Variants in NOL4L observed in about 807,000 individuals in gnomAD.
NOL4L encodes nucleolar protein 4 like.
NOL4L carries 7 observed loss-of-function variants against 64.5 expected under a neutral mutation model. The observed-to-expected ratio is 0.11, with a 90% CI of 0.06 to 0.20. The LOEUF is 0.20. Ranked by LOEUF, NOL4L falls within the 10% of genes least tolerant of loss-of-function variation. NOL4L has a pLI of 1.00. For synonymous variants in NOL4L, 413 were observed against 401.0 expected (o/e 1.03, Z -0.36); for missense variants, 680 against 967.1 (o/e 0.70, Z 3.94).
At chr20:32,541,045 A>ACACT (rs1340304931) in intron 1 of NOL4L, among the ~76,000 whole-genome samples, 2 of 148,676 alleles carry the variant, frequency 1.3e-5, no homozygotes, top group Non-Finnish European at 3.0e-5. Context: ...ACACACACAC[A>ACACT]CACTATTCCC....
At chr20:32,577,309 G>A (rs1980180287) in intron 1 of NOL4L, among the ~76,000 whole-genome samples, 1 of 152,214 alleles carries the variant, frequency 6.6e-6, no homozygotes. Context: ...AGGGCGAGAG[G>A]CTTGTCCCTC....
At chr20:32,501,661 T>C (rs1417941942) in intron 4 of NOL4L, among the ~76,000 whole-genome samples, 1 of 152,114 alleles carries the variant, frequency 6.6e-6, no homozygotes, top group Non-Finnish European at 1.5e-5. Flanking sequence ...AAGTTAAAAC[T>C]GTTCTCAAAA....
intron 6 of NOL4L, chr20:32,454,032 T>A: frequency 4.3e-6 from 2 of 463,550 alleles, no homozygotes; most frequent in Non-Finnish European, 4.0e-6. Context: ...CCGGGGCTGC[T>A]GAGCGCTTAG....
In NOL4L at chr20:32,447,403, CAAAAAAAA is replaced by C. The variant is rs386393630; in HGVS notation, c.*185_*192del. On this transcript the variant is annotated 3_prime_UTR_variant, in exon 11 of 11. Coordinates refer to ENST00000621426, the MANE Select transcript of NOL4L (RefSeq NM_001256798.2). Reference sequence around the variant, plus strand: ...TCAGAGCACCCGTGTGGTGAGATTCCAAAAAAAAAAAAAAAAAAAAAAAAAAGTGTCCT... The same window carrying C: ...TCAGAGCACCCGTGTGGTGAGATTCCAAAAAAAAAAAAAAAAAAGTGTCCT... 213 of 151,780 alleles carry C rather than the reference CAAAAAAAA, an allele frequency of 1.4e-3. No individual in the cohort carries two copies. Among genetic ancestry groups the C allele is most frequent in the East Asian group, 4.4e-3 (15 of 3,446 alleles). The allele number at this position is 151,780 out of a possible 1,614,324, so 9.4% of individuals were successfully genotyped here.
chr20:32,474,644 G>C lies in NOL4L; in HGVS notation c.798C>G (p.Asp266Glu), dbSNP rs574793193. 9 of 1,613,698 alleles carry C rather than the reference G, an allele frequency of 5.6e-6. No individual in the cohort carries two copies. In the African/African-American group the frequency reaches 9.3e-5, roughly 17 times the overall value. ...GGTTCTGCGGGCTCCGCATCCTCTCGTCCTGGCTGGGGCTCAGGCTGGAGG... is the reference window on the plus strand; with the variant it reads ...GGTTCTGCGGGCTCCGCATCCTCTCCTCCTGGCTGGGGCTCAGGCTGGAGG... ...HLASSLSPSQDERMRSPQNLH... is the reference protein window; with the variant it reads ...HLASSLSPSQEERMRSPQNLH... The change falls in exon 5 of 11, where the codon GAC becomes GAG. Residue 266 changes from aspartate (D) to glutamate (E), a missense_variant. Coordinates refer to ENST00000621426, the MANE Select transcript of NOL4L (RefSeq NM_001256798.2).
chr20:32,507,389 T>C (rs1186835826), intron 4 of NOL4L, among the ~76,000 whole-genome samples: 1 of 152,126 alleles, frequency 6.6e-6, no homozygotes, highest in Non-Finnish European at 1.5e-5. Context: ...ACTATAAATA[T>C]TGGGTGCACT....
chr20:32,497,644 G>C (rs1209906656), intron 4 of NOL4L, among the ~76,000 whole-genome samples: 1 of 152,196 alleles, frequency 6.6e-6, no homozygotes, highest in Non-Finnish European at 1.5e-5. Context: ...GTTAGGCTGT[G>C]GCGGTCACAA....
chr20:32,481,964 CGGG>C (rs61641396), intron 4 of NOL4L, among the ~76,000 whole-genome samples: 1 of 27,944 alleles, frequency 3.6e-5, no homozygotes, highest in Admixed American at 3.1e-4. Flanking sequence ...TGGGGCGGGG[CGGG>C]GGGGGGGGAG....
chr20:32,585,175 G>A lies in NOL4L; in HGVS notation c.-285C>T. The A allele has an allele frequency of 6.7e-6, 1 of 149,776 alleles. No individual in the cohort carries two copies. The highest frequency in any genetic ancestry group is 1.8e-4 in the South Asian group (1 of 5,624). The allele number at this position is 149,776 out of a possible 1,614,324, so 9.3% of individuals were successfully genotyped here. ...CCCCGGCCGGGATGCAGGAGCGATG[G>A]AGGCAGCTCCGGGCCCGGAGGTGCA... On this transcript the variant is annotated 5_prime_UTR_variant, in exon 1 of 11. Transcript: ENST00000621426.
intron 1 of NOL4L, among the ~76,000 whole-genome samples, chr20:32,535,259 T>C (rs2145589843): frequency 7.1e-6 from 1 of 141,746 alleles, no homozygotes; most frequent in South Asian, 2.3e-4. Flanking sequence ...TACTACCTAC[T>C]GGGGACTGGA....
intron 4 of NOL4L, among the ~76,000 whole-genome samples, chr20:32,501,567 T>C (rs1021631676): frequency 2.0e-5 from 3 of 152,328 alleles, no homozygotes; most frequent in East Asian, 3.9e-4. Context: ...ATCACCTTAA[T>C]ATAAGACATT....
At chr20:32,543,061 C>T (rs1568703257) in intron 1 of NOL4L, among the ~76,000 whole-genome samples, 1 of 152,096 alleles carries the variant, frequency 6.6e-6, no homozygotes, top group Non-Finnish European at 1.5e-5. Flanking sequence ...ATTACCATGT[C>T]GAGTGTGGGG....
At chr20:32,584,545 C>T (rs1393663621) in intron 1 of NOL4L, 25 bp downstream of exon 1, 2 of 1,323,436 alleles carry the variant, frequency 1.5e-6, no homozygotes, top group Non-Finnish European at 1.9e-6. Context: ...CGGGACCCGC[C>T]CGCGGCCGCC....
At position 32,452,995 on chromosome 20, in the gene NOL4L, C is replaced by T. The variant is rs373854304; in HGVS notation, c.1509G>A (p.Thr503=). The T allele has an allele frequency of 3.2e-5, 51 of 1,613,366 alleles. No individual in the cohort carries two copies. The highest frequency in any genetic ancestry group is 7.7e-5 in the South Asian group (7 of 91,078). The change falls in exon 9 of 11, where the codon ACG becomes ACA. Residue 503 remains threonine, a synonymous_variant. Coordinates refer to ENST00000621426, the MANE Select transcript of NOL4L (RefSeq NM_001256798.2). The part of the protein sequence containing the change: ...KKNGMEMTRP[T]PPHLTSAMAE... Reference sequence around the variant, plus strand: ...CCATGGCCGAGGTCAGATGGGGTGGCGTGGGTCTGGTCTGCAGGCAGAACG... The same window carrying T: ...CCATGGCCGAGGTCAGATGGGGTGGTGTGGGTCTGGTCTGCAGGCAGAACG...
intron 1 of NOL4L, among the ~76,000 whole-genome samples, chr20:32,558,087 T>C (rs1242866067): frequency 1.3e-5 from 2 of 152,198 alleles, no homozygotes; most frequent in Non-Finnish European, 2.9e-5. Context: ...CACTGATATT[T>C]AAACAAAGTT....
At chr20:32,478,271 A>T (rs867202079) in intron 4 of NOL4L, among the ~76,000 whole-genome samples, 3 of 127,182 alleles carry the variant, frequency 2.4e-5, no homozygotes, top group Admixed American at 8.7e-5. Flanking sequence ...ACACACACAC[A>T]CACTCTCTCT....
chr20:32,531,407 G>T, intron 1 of NOL4L, among the ~76,000 whole-genome samples: 1 of 149,388 alleles, frequency 6.7e-6, no homozygotes, highest in Non-Finnish European at 1.5e-5. Flanking sequence ...GTCTCACTCT[G>T]CCATCAGGCT....
intron 1 of NOL4L, among the ~76,000 whole-genome samples, chr20:32,541,007 C>A (rs6141748): frequency 0.33 from 18,869 of 57,388 alleles, 1,823 homozygotes; most frequent in East Asian, 0.53. Context: ...TCGCCACCCC[C>A]TACACACACA....
At chr20:32,573,439 C>A (rs948778799) in intron 1 of NOL4L, among the ~76,000 whole-genome samples, 13 of 152,152 alleles carry the variant, frequency 8.5e-5, no homozygotes, top group Middle Eastern at 6.8e-3. Context: ...CTCCAGAGAC[C>A]CACTCGGTGG....
Sources: allele counts gnomAD v4.1 joint callset (sites outside exome capture counted in the v4.1 genomes callset), GRCh38; gene constraint gnomAD v4.1.1; transcripts MANE v1.5; gene names NCBI Gene and HGNC (gene_info 2026-07-23, HGNC 2026-07-21).